The following SMYD3 variants were observed in gnomAD, a reference collection of about 807,000 sequenced individuals.
SMYD3 encodes SET and MYND domain containing 3.
In SMYD3, 36 loss-of-function variants were observed where a neutral mutation model predicts 57.7. The observed-to-expected ratio is 0.62, with a 90% confidence interval of 0.48 to 0.82. SMYD3 has a LOEUF of 0.82. SMYD3 is among the 40% of genes least tolerant of loss of function. The probability of loss-of-function intolerance (pLI) is 0.00; values close to 1 mark genes in which losing one functional copy is unlikely to be tolerated. For synonymous variants in SMYD3, 211 were observed against 195.0 expected, an observed-to-expected ratio of 1.08 and a Z score of -0.68; for missense variants, 515 against 538.8, an observed-to-expected ratio of 0.96 and a Z score of 0.44.
chr1:246,116,020 T>C (rs538656548), intron 5 of SMYD3, among the ~76,000 whole-genome samples: 2 of 152,154 alleles, frequency 1.3e-5, no homozygotes, highest in South Asian at 4.2e-4. Flanking sequence ...ATGCCTGTAA[T>C]CCCAAGCTAC....
intron 5 of SMYD3, among the ~76,000 whole-genome samples, chr1:246,291,661 C>T (rs572640328): frequency 1.6e-4 from 25 of 152,320 alleles, no homozygotes; most frequent in Middle Eastern, 6.8e-3. Flanking sequence ...CTATGTTCAA[C>T]TGTAATTTAC....
At chr1:246,416,653 T>C (rs1480791914) in intron 1 of SMYD3, among the ~76,000 whole-genome samples, 1 of 152,108 alleles carries the variant, frequency 6.6e-6, no homozygotes, top group African/African-American at 2.4e-5. Flanking sequence ...TACAAACGTT[T>C]TCAGCAGAAA....
chr1:245,935,245 G>A (rs987988835), intron 5 of SMYD3, among the ~76,000 whole-genome samples: 2 of 152,132 alleles, frequency 1.3e-5, no homozygotes, highest in Non-Finnish European at 2.9e-5. Flanking sequence ...ATGGGCAAAG[G>A]ATTTGAGTAG....
chr1:245,985,461 G>A (rs1002252854), intron 5 of SMYD3, among the ~76,000 whole-genome samples: 16 of 152,006 alleles, frequency 1.1e-4, no homozygotes, highest in African/African-American at 3.6e-4. Context: ...CTAACAAAAT[G>A]GCTCCTCCAA....
intron 5 of SMYD3, among the ~76,000 whole-genome samples, chr1:246,206,649 T>A (rs774537549): frequency 6.6e-6 from 1 of 152,126 alleles, no homozygotes; most frequent in African/African-American, 2.4e-5. Flanking sequence ...TAAAGGCAAT[T>A]TGGGGACTGT....
chr1:245,749,583 C>T lies in SMYD3; in HGVS notation c.1267G>A (p.Ala423Thr), dbSNP rs374803671. ...TTCCCTTAGGATGCTCTGATGTTGG[C>T]GTCGCATTCTTCTAAAAGTAGAATC... ...DLILLLEECD[A>T]NIRAS Residue 423 changes from alanine (A) to threonine (T), a missense_variant, in exon 12 of 12, where the codon GCC (alanine) becomes ACC (threonine). Transcript: ENST00000490107. 41 of 1,613,616 alleles carry T rather than the reference C, an allele frequency of 2.5e-5. No homozygotes were observed. Among genetic ancestry groups the T allele is most frequent in the Non-Finnish European group, 2.9e-5 (34 of 1,179,646 alleles).
intron 5 of SMYD3, among the ~76,000 whole-genome samples, chr1:246,177,023 G>A (rs2062446505): frequency 6.6e-6 from 1 of 152,198 alleles, no homozygotes; most frequent in African/African-American, 2.4e-5. Flanking sequence ...TAGGCCTGCT[G>A]TTTGGATATT....
At chr1:246,171,139 C>G (rs2062323230) in intron 5 of SMYD3, among the ~76,000 whole-genome samples, 1 of 151,978 alleles carries the variant, frequency 6.6e-6, no homozygotes, top group Non-Finnish European at 1.5e-5. Flanking sequence ...TTCTGTGCTC[C>G]CACGCATTGG....
chr1:245,938,109 T>C (rs922598025), intron 5 of SMYD3, among the ~76,000 whole-genome samples: 5 of 152,194 alleles, frequency 3.3e-5, no homozygotes, highest in Non-Finnish European at 7.3e-5. Flanking sequence ...TATGTAGAAA[T>C]TAAGGTGAAT....
At chr1:245,896,091 C>G (rs913482065) in intron 8 of SMYD3, among the ~76,000 whole-genome samples, 1 of 152,198 alleles carries the variant, frequency 6.6e-6, no homozygotes, top group Non-Finnish European at 1.5e-5. Context: ...CCTACTCAAT[C>G]TCTCTTCATA....
intron 5 of SMYD3, among the ~76,000 whole-genome samples, chr1:246,019,605 C>A (rs1395469220): frequency 6.6e-6 from 1 of 152,126 alleles, no homozygotes; most frequent in African/African-American, 2.4e-5. Flanking sequence ...AGGGACTCAC[C>A]TAATTCATAA....
chr1:245,801,506 T>C (rs2047860218), intron 10 of SMYD3, among the ~76,000 whole-genome samples: 1 of 152,242 alleles, frequency 6.6e-6, no homozygotes, highest in Non-Finnish European at 1.5e-5. Flanking sequence ...TTATCAAACC[T>C]GCAGCTGCTA....
chr1:245,774,955 G>C (rs1041364997), intron 10 of SMYD3, among the ~76,000 whole-genome samples: 1 of 152,112 alleles, frequency 6.6e-6, no homozygotes, highest in Admixed American at 6.5e-5. Context: ...CGCCAGCCTC[G>C]GCCTCCCGGA....
At chr1:246,363,511 G>A (rs1290077915) in intron 1 of SMYD3, among the ~76,000 whole-genome samples, 2 of 152,178 alleles carry the variant, frequency 1.3e-5, no homozygotes, top group East Asian at 1.9e-4. Flanking sequence ...CTGAGAAATC[G>A]GATGGTTGCC....
chr1:246,352,901 T>C (rs2065854052), intron 2 of SMYD3, among the ~76,000 whole-genome samples: 1 of 152,212 alleles, frequency 6.6e-6, no homozygotes, highest in Non-Finnish European at 1.5e-5. Context: ...GTTTAGGTCA[T>C]TGAGATTAGA....
chr1:245,862,816 G>A (rs540100306), intron 9 of SMYD3, among the ~76,000 whole-genome samples: 4 of 152,206 alleles, frequency 2.6e-5, no homozygotes, highest in East Asian at 3.9e-4. Flanking sequence ...GGATTCATTC[G>A]CTCTTGGAGA....
intron 5 of SMYD3, among the ~76,000 whole-genome samples, chr1:245,965,102 T>C (rs2058106428): frequency 6.6e-6 from 1 of 152,110 alleles, no homozygotes; most frequent in Non-Finnish European, 1.5e-5. Context: ...AAGAACATAC[T>C]TCAGTGGAGG....
At chr1:246,236,914 C>G (rs888005499) in intron 5 of SMYD3, among the ~76,000 whole-genome samples, 1 of 152,142 alleles carries the variant, frequency 6.6e-6, no homozygotes, top group African/African-American at 2.4e-5. Context: ...CCAAACCAAG[C>G]GAGAGACAAG....
chr1:246,443,870 T>C (rs1439642135), intron 1 of SMYD3, among the ~76,000 whole-genome samples: 2 of 152,146 alleles, frequency 1.3e-5, no homozygotes, highest in Non-Finnish European at 2.9e-5. Flanking sequence ...TTCTGTCAAA[T>C]CAATAAATCA....
Sources: allele counts gnomAD v4.1 joint callset (sites outside exome capture counted in the v4.1 genomes callset), GRCh38; gene constraint gnomAD v4.1.1; transcripts MANE v1.5; gene names NCBI Gene and HGNC (gene_info 2026-07-23, HGNC 2026-07-21).